Variants in NPL observed in about 807,000 individuals in gnomAD.
The protein encoded by NPL is N-acetylneuraminate pyruvate lyase.
In NPL, 32 loss-of-function variants were observed where a neutral mutation model predicts 41.1. The observed-to-expected ratio is 0.78, with a 90% confidence interval of 0.59 to 1.05. The LOEUF (loss-of-function observed/expected upper bound fraction) is 1.05, where lower values mean the gene tolerates loss of function less well. NPL is among the 50% of genes least tolerant of loss of function. The pLI, the probability that NPL is intolerant of heterozygous loss-of-function variation, is 0.00. For synonymous variants in NPL, 128 were observed against 134.9 expected (o/e 0.95, Z 0.35); for missense variants, 321 against 378.4 (o/e 0.85, Z 1.26).
chr1:182,828,600 C>T lies in NPL; in HGVS notation c.779-124C>T, dbSNP rs1667690425. Reference sequence around the variant, plus strand: ...CTGTCATATTGACTAGAAATGTTCCCATCTTTTGTTTTAATCTTACCCTGT... The same window carrying T: ...CTGTCATATTGACTAGAAATGTTCCTATCTTTTGTTTTAATCTTACCCTGT... On this transcript the variant is annotated intron_variant, in intron 12 of 12. Coordinates refer to ENST00000367553, the MANE Select transcript of NPL (RefSeq NM_030769.3). The surrounding 1 kb of genome is among the most constrained non-coding windows in gnomAD (Gnocchi z 4.0). 8.3e-7 allele frequency: 1 copy of T among 1,207,262 alleles called. No homozygotes were observed. Among genetic ancestry groups the T allele is most frequent in the Admixed American group, 2.0e-5 (1 of 50,138 alleles). 74.8% of individuals were successfully genotyped at this position (1,207,262 alleles called of 1,614,324 possible).
At chr1:182,827,688 T>G (rs1308680410) in intron 12 of NPL, among the ~76,000 whole-genome samples, 2 of 152,194 alleles carry the variant, frequency 1.3e-5, no homozygotes, top group Admixed American at 6.5e-5. Context: ...ATGGCTTCTA[T>G]TCCTTCTTTT....
intron 4 of NPL, 110 bp from the exon 5 acceptor site, chr1:182,806,035 C>G: frequency 7.8e-7 from 1 of 1,276,146 alleles, no homozygotes; most frequent in South Asian, 1.3e-5. Context: ...TGGCATTTTC[C>G]CCTCCTGACC....
At chr1:182,807,442 A>G (rs945090578) in intron 5 of NPL, among the ~76,000 whole-genome samples, 1 of 152,146 alleles carries the variant, frequency 6.6e-6, no homozygotes, top group Admixed American at 6.6e-5. Context: ...CTCTGAAATT[A>G]TGTGCCAAAT....
intron 2 of NPL, among the ~76,000 whole-genome samples, chr1:182,793,810 G>C (rs550858359): frequency 2.6e-5 from 4 of 152,280 alleles, no homozygotes; most frequent in Admixed American, 2.6e-4. Context: ...TAGTACAGTT[G>C]ACCCTTGAAT....
intron 3 of NPL, among the ~76,000 whole-genome samples, chr1:182,795,095 G>A (rs1666620558): frequency 6.6e-6 from 1 of 151,842 alleles, no homozygotes. Flanking sequence ...TAAAAAATCA[G>A]ATAACAAAAA....
rs534169114 is a variant in NPL, at chr1:182,808,650, T to A, written c.230+2418T>A. ...CTGCCATGGAAGAAGAGATTAAAGA[T>A]ACAGAAAAGACTGGTAAACCTTGGC... is the stretch of plus-strand genomic sequence containing the variant. On this transcript the variant is annotated intron_variant, in intron 5 of 12. Coordinates refer to ENST00000367553, the MANE Select transcript of NPL (RefSeq NM_030769.3). Among the ~76,000 whole-genome samples the A allele has an allele frequency of 1.8e-4, 28 of 152,182 alleles. No homozygotes were observed. In the South Asian group the frequency reaches 5.6e-3, roughly 30 times the overall value.
At chr1:182,816,858 C>A in intron 8 of NPL, 52 bp downstream of exon 8, 1 of 1,414,128 alleles carries the variant, frequency 7.1e-7, no homozygotes, top group Non-Finnish European at 9.9e-7. Flanking sequence ...CACATCTTAC[C>A]CTATTATGCT....
intron 5 of NPL, among the ~76,000 whole-genome samples, 184 bp from the exon 6 acceptor site, chr1:182,811,972 A>G (rs1031877147): frequency 3.9e-5 from 6 of 152,200 alleles, no homozygotes; most frequent in Admixed American, 1.3e-4. Context: ...TTTGATATCA[A>G]TGACCTAGGT....
At chr1:182,806,086 C>G in intron 4 of NPL, 59 bp from the exon 5 acceptor site, 1 of 1,605,666 alleles carries the variant, frequency 6.2e-7, no homozygotes. Context: ...CTTTCAGACT[C>G]GGGGTTGGAG....
intron 10 of NPL, among the ~76,000 whole-genome samples, chr1:182,820,724 G>T (rs923457376): frequency 6.6e-6 from 1 of 152,104 alleles, no homozygotes; most frequent in Non-Finnish European, 1.5e-5. Context: ...TGGATCTCAC[G>T]AGAACTCACT....
intron 10 of NPL, among the ~76,000 whole-genome samples, chr1:182,821,312 C>T (rs1667481333): frequency 6.6e-6 from 1 of 152,186 alleles, no homozygotes; most frequent in Non-Finnish European, 1.5e-5. Flanking sequence ...CTATAACCTT[C>T]TACCTTGCTG....
intron 8 of NPL, 109 bp from the exon 9 acceptor site, chr1:182,818,432 G>C (rs1667394676): frequency 7.0e-7 from 1 of 1,419,280 alleles, no homozygotes; most frequent in Non-Finnish European, 9.8e-7. Context: ...TCTGCAGTCA[G>C]TTCTGGCTGA....
intron 4 of NPL, among the ~76,000 whole-genome samples, chr1:182,805,205 A>C (rs1456202497): frequency 6.6e-6 from 1 of 152,136 alleles, no homozygotes; most frequent in Non-Finnish European, 1.5e-5. Flanking sequence ...TGAGGCGGGC[A>C]GATCACCTGA....
At chr1:182,826,773 T>C (rs1422851584) in intron 12 of NPL, 1 of 152,230 alleles carries the variant, frequency 6.6e-6, no homozygotes, top group African/African-American at 2.4e-5. Context: ...GTTAAAATTT[T>C]AGACAAACTA....
At position 182,828,669 on chromosome 1, in the gene NPL, T is replaced by C; in HGVS notation, c.779-55T>C. 6.2e-7 allele frequency: 1 copy of C among 1,612,440 alleles called. No individual in the cohort carries two copies. The highest frequency in any genetic ancestry group is 8.5e-7 in the Non-Finnish European group (1 of 1,179,038). On this transcript the variant is annotated intron_variant, in intron 12 of 12. Transcript: ENST00000367553. This position sits in a 1 kb window ranked among gnomAD's most constrained non-coding sequence, Gnocchi z 4.0. ...CATATGATCTCCTTCTTTGGGATTT[T>C]TGTGGAGAGATAGACGGTACCAGTC...
intron 11 of NPL, among the ~76,000 whole-genome samples, chr1:182,822,949 C>G (rs893710623): frequency 1.7e-4 from 26 of 152,178 alleles, no homozygotes; most frequent in Admixed American, 1.6e-3. Flanking sequence ...TCACTGCAGC[C>G]TTGAATCCTC....
intron 3 of NPL, among the ~76,000 whole-genome samples, chr1:182,794,715 C>T (rs1666609787): frequency 6.6e-6 from 1 of 152,232 alleles, no homozygotes; most frequent in African/African-American, 2.4e-5. Flanking sequence ...TGTAGCACCA[C>T]AGAGCAAATT....
intron 5 of NPL, among the ~76,000 whole-genome samples, chr1:182,807,249 G>T (rs1373571985): frequency 6.6e-6 from 1 of 152,142 alleles, no homozygotes; most frequent in Non-Finnish European, 1.5e-5. Context: ...TCCGGTAGGG[G>T]TGTTAGATCA....
chr1:182,805,801 T>C (rs1486994623), intron 4 of NPL, among the ~76,000 whole-genome samples: 1 of 152,182 alleles, frequency 6.6e-6, no homozygotes, highest in East Asian at 1.9e-4. Flanking sequence ...TGGTACTAGA[T>C]AGTGTTGATT....
Sources: gnomAD v4.1 joint callset for allele counts (sites outside exome capture counted in the v4.1 genomes callset) on GRCh38, gnomAD v4.1.1 for gene constraint, Gnocchi (gnomAD v3.1) non-coding constraint, MANE v1.5 for transcripts, NCBI Gene and HGNC (gene_info 2026-07-23, HGNC 2026-07-21) for gene names.